The following RAB11FIP4 variants were observed in gnomAD, a reference collection of about 807,000 sequenced individuals.
The protein encoded by RAB11FIP4 is rab11 family-interacting protein 4.
A neutral mutation model predicts 74.3 loss-of-function variants in RAB11FIP4; 23 were observed. The observed-to-expected ratio is 0.31, with a 90% confidence interval of 0.22 to 0.44. The LOEUF is 0.44. Among genes scored for constraint, RAB11FIP4 ranks in the 20% least tolerant of loss-of-function variants. RAB11FIP4 has a pLI of 1.00. For synonymous variants in RAB11FIP4, 360 were observed against 359.9 expected (o/e 1.00, Z 0.00); for missense variants, 630 against 863.9 (o/e 0.73, Z 3.39).
intron 3 of RAB11FIP4, among the ~76,000 whole-genome samples, chr17:31,484,323 G>A (rs2071880040): frequency 6.6e-6 from 1 of 151,562 alleles, no homozygotes; most frequent in African/African-American, 2.4e-5. Context: ...TGCCCGCCTC[G>A]GCCTCCCAAA....
At chr17:31,436,280 G>A (rs954192813) in intron 3 of RAB11FIP4, among the ~76,000 whole-genome samples, 7 of 152,200 alleles carry the variant, frequency 4.6e-5, no homozygotes, top group African/African-American at 1.2e-4. Flanking sequence ...CCCCTAATAC[G>A]TGCTAATTCC....
intron 3 of RAB11FIP4, among the ~76,000 whole-genome samples, chr17:31,508,561 C>G (rs887166731): frequency 2.6e-5 from 4 of 152,230 alleles, no homozygotes; most frequent in African/African-American, 7.2e-5. Context: ...GCTGGATGTG[C>G]TGGCCAGCCA....
At chr17:31,508,173 G>T (rs116371110) in intron 3 of RAB11FIP4, among the ~76,000 whole-genome samples, 4 of 152,186 alleles carry the variant, frequency 2.6e-5, no homozygotes, top group Non-Finnish European at 5.9e-5. Context: ...TTATTGGAAC[G>T]GAAGTGGCAC....
Position 31,528,702 on chromosome 17 carries a change from C to T in RAB11FIP4, c.1577C>T (p.Ala526Val). The T allele has an allele frequency of 6.2e-7, 1 of 1,612,280 alleles. No homozygotes were observed. The highest frequency in any genetic ancestry group is 1.3e-5 in the African/African-American group (1 of 75,060). ...GAGCGGCCAGGCAGGGGCCGCAGTGCCTCCTCTGGCCTAGGCGAGTTCAAT... is the reference window on the plus strand; with the variant it reads ...GAGCGGCCAGGCAGGGGCCGCAGTGTCTCCTCTGGCCTAGGCGAGTTCAAT... ...DCERPGRGRSASSGLGEFNAR... is the reference protein window; with the variant it reads ...DCERPGRGRSVSSGLGEFNAR... The change falls in exon 13 of 15, where the codon GCC becomes GTC. Residue 526 changes from alanine (A) to valine (V), a missense_variant. By Grantham distance (64) the Ala-to-Val change is moderately conservative. Coordinates refer to ENST00000621161, the MANE Select transcript of RAB11FIP4 (RefSeq NM_032932.6).
intron 1 of RAB11FIP4, among the ~76,000 whole-genome samples, chr17:31,421,220 C>A (rs1597907202): frequency 6.7e-6 from 1 of 149,450 alleles, no homozygotes; most frequent in South Asian, 2.1e-4. Flanking sequence ...TTTAAAATTT[C>A]TTTTCTTTTC....
chr17:31,522,512 AG>A, intron 7 of RAB11FIP4, 117 bp downstream of exon 7: 1 of 999,530 alleles, frequency 1.0e-6, no homozygotes, highest in South Asian at 1.4e-5. Flanking sequence ...GAGTGAGCAG[AG>A]GGGAACGAGG....
At chr17:31,420,205 AAAG>A (rs2071185862) in intron 1 of RAB11FIP4, among the ~76,000 whole-genome samples, 1 of 152,092 alleles carries the variant, frequency 6.6e-6, no homozygotes, top group Admixed American at 6.5e-5. Context: ...TTAGCCTTTT[AAAG>A]GATGTAAGAC....
chr17:31,521,722 G>A, intron 5 of RAB11FIP4, 193 bp from the exon 6 acceptor site: 1 of 653,216 alleles, frequency 1.5e-6, no homozygotes, highest in South Asian at 2.0e-5. Flanking sequence ...CTGTTAAATG[G>A]GTATGCCTCA....
chr17:31,528,818 C>T (rs749307457), intron 13 of RAB11FIP4, 40 bp downstream of exon 13: 3 of 1,579,238 alleles, frequency 1.9e-6, no homozygotes, highest in African/African-American at 2.7e-5. Flanking sequence ...GGCAGGGTGG[C>T]CGGGCCCACC....
intron 4 of RAB11FIP4, 141 bp downstream of exon 4, chr17:31,518,018 C>T: frequency 4.5e-6 from 3 of 669,502 alleles, no homozygotes; most frequent in South Asian, 1.9e-5. Context: ...TTCTGAATAG[C>T]ACAAGATTCT....
chr17:31,521,105 C>G, intron 4 of RAB11FIP4, 61 bp from the exon 5 acceptor site: 1 of 1,340,044 alleles, frequency 7.5e-7, no homozygotes, highest in Non-Finnish European at 1.0e-6. Context: ...GTTTCCCCAC[C>G]ACGGGCTGTG....
At chr17:31,484,071 CTTTTTT>C (rs530656307) in intron 3 of RAB11FIP4, among the ~76,000 whole-genome samples, 1 of 115,854 alleles carries the variant, frequency 8.6e-6, no homozygotes, top group Non-Finnish European at 1.8e-5. Context: ...AAGATCTTAT[CTTTTTT>C]TTTTTTTTTT....
chr17:31,402,542 C>T (rs2070996970), intron 1 of RAB11FIP4, among the ~76,000 whole-genome samples: 1 of 152,140 alleles, frequency 6.6e-6, no homozygotes, highest in Non-Finnish European at 1.5e-5. Flanking sequence ...GCCATTGGGT[C>T]TGGCAAGAGC....
intron 1 of RAB11FIP4, among the ~76,000 whole-genome samples, chr17:31,407,220 T>G (rs1480053603): frequency 6.6e-6 from 1 of 151,988 alleles, no homozygotes; most frequent in Non-Finnish European, 1.5e-5. Flanking sequence ...TAATTTATTT[T>G]TATTTTTTGT....
intron 1 of RAB11FIP4, among the ~76,000 whole-genome samples, chr17:31,419,934 CTCT>C (rs1158829369): frequency 1.3e-5 from 2 of 152,136 alleles, no homozygotes; most frequent in African/African-American, 4.8e-5. Context: ...TGGGAAGTGG[CTCT>C]TCTATTCTCT....
intron 3 of RAB11FIP4, among the ~76,000 whole-genome samples, chr17:31,475,955 T>C (rs535041028): frequency 1.3e-5 from 2 of 152,210 alleles, no homozygotes; most frequent in African/African-American, 4.8e-5. Flanking sequence ...GAGTTCAATG[T>C]TAATGAATCA....
At chr17:31,510,274 T>G (rs917446308) in intron 3 of RAB11FIP4, among the ~76,000 whole-genome samples, 3 of 152,176 alleles carry the variant, frequency 2.0e-5, no homozygotes, top group African/African-American at 7.2e-5. Flanking sequence ...GTTGGTTGGC[T>G]GGGAGTGGGG....
intron 3 of RAB11FIP4, among the ~76,000 whole-genome samples, chr17:31,517,439 A>T (rs1437575955): frequency 1.3e-5 from 2 of 151,886 alleles, no homozygotes; most frequent in Non-Finnish European, 2.9e-5. Flanking sequence ...TGGGAGTTCT[A>T]GCTCCTCACT....
chr17:31,431,725 T>C, intron 1 of RAB11FIP4, 88 bp from the exon 2 acceptor site: 3 of 520,764 alleles, frequency 5.8e-6, no homozygotes, highest in Middle Eastern at 5.3e-4. Context: ...CTGGTGTCCC[T>C]CCCTCCCTCC....
Sources: allele counts gnomAD v4.1 joint callset (sites outside exome capture counted in the v4.1 genomes callset), GRCh38; gene constraint gnomAD v4.1.1; transcripts MANE v1.5; gene names NCBI Gene and HGNC (gene_info 2026-07-23, HGNC 2026-07-21).